The following PCDH15 variants were observed in gnomAD, a reference collection of about 807,000 sequenced individuals.
PCDH15 encodes the protein protocadherin related 15.
Under a neutral mutation model 178.5 loss-of-function variants are expected in PCDH15, and 129 were observed. The ratio of observed to expected loss-of-function variants is 0.72; its 90% CI spans 0.63 to 0.84. The LOEUF is 0.84. Ranked by LOEUF, PCDH15 falls within the 40% of genes least tolerant of loss-of-function variation. The pLI is 0.00. For missense variants in PCDH15, 2,230 were observed against 2,099.9 expected (o/e 1.06, Z -1.21); for synonymous variants, 800 against 732.0 (o/e 1.09, Z -1.50).
intron 26 of PCDH15, among the ~76,000 whole-genome samples, chr10:53,873,969 C>G (rs767409815): frequency 6.6e-6 from 1 of 152,152 alleles, no homozygotes; most frequent in African/African-American, 2.4e-5. Flanking sequence ...CTATTAGCAC[C>G]TTGATCTTGG....
intron 1 of PCDH15, among the ~76,000 whole-genome samples, chr10:54,696,139 C>T (rs1209924723): frequency 2.0e-5 from 3 of 151,896 alleles, no homozygotes; most frequent in Non-Finnish European, 2.9e-5. Flanking sequence ...ATTCTAGATG[C>T]CATTAAGAAC....
At chr10:54,350,023 G>A (rs1314566387) in intron 5 of PCDH15, among the ~76,000 whole-genome samples, 1 of 151,892 alleles carries the variant, frequency 6.6e-6, no homozygotes, top group Non-Finnish European at 1.5e-5. Context: ...GAAAATAAAA[G>A]AGAAACAATT....
chr10:53,951,262 A>G lies in PCDH15; in HGVS notation c.3122+8470T>C, dbSNP rs143937885. Among the ~76,000 whole-genome samples, 1,369 of 152,314 alleles carry G rather than the reference A, an allele frequency of 9.0e-3. 14 individuals carry two copies. The highest frequency in any genetic ancestry group is 0.017 in the Middle Eastern group (5 of 294). On this transcript the variant is annotated intron_variant, in intron 23 of 37. Coordinates refer to ENST00000644397, the MANE Select transcript of PCDH15 (RefSeq NM_001384140.1). The stretch of plus-strand genomic sequence containing the variant: ...TTGAATGGTTAAAAAATCAAAGTTT[A>G]TAATTGGAATATTTCTGTGTAATAG...
At chr10:54,677,645 A>C (rs1309241958) in intron 1 of PCDH15, among the ~76,000 whole-genome samples, 1 of 152,154 alleles carries the variant, frequency 6.6e-6, no homozygotes. Flanking sequence ...GCAGAATTTA[A>C]ACTTAGCAAC....
chr10:54,974,254 T>A (rs74136305), intron 2 of PCDH15, among the ~76,000 whole-genome samples: 335 of 152,210 alleles, frequency 2.2e-3, no homozygotes, highest in African/African-American at 7.7e-3. Flanking sequence ...ATTATACAAC[T>A]GAGCATACTA....
chr10:54,779,436 G>GTA (rs780742891), intron 1 of PCDH15, among the ~76,000 whole-genome samples: 8,897 of 82,054 alleles, frequency 0.11, 500 homozygotes, highest in South Asian at 0.17. Context: ...ACACATATGT[G>GTA]TATATATATA....
chr10:54,702,695 C>A (rs554308014), intron 1 of PCDH15, among the ~76,000 whole-genome samples: 2 of 151,804 alleles, frequency 1.3e-5, no homozygotes, highest in East Asian at 3.9e-4. Flanking sequence ...TAATGAGTTC[C>A]AAAATTAAAT....
At chr10:55,457,021 T>A (rs1254949147) in intron 2 of PCDH15, among the ~76,000 whole-genome samples, 1 of 152,062 alleles carries the variant, frequency 6.6e-6, no homozygotes, top group African/African-American at 2.4e-5. Flanking sequence ...ATGTTTCTTT[T>A]TAAAAGACTG....
chr10:54,940,205 A>C lies in PCDH15; in HGVS notation c.-79-42705T>G, dbSNP rs151147566. ...AAATTTCATTCTAAGCATGGGTTTC[A>C]CTGTATCGTATAAGTTTTATTATAT... On this transcript the variant is annotated intron_variant, in intron 2 of 5. Coordinates refer to the PCDH15 transcript ENST00000458638. 1.2e-3 allele frequency among the ~76,000 whole-genome samples: 179 copies of C among 152,194 alleles called. 4 individuals are homozygous for C. The East Asian group carries it at 0.029, about 25-fold the overall frequency.
Position 54,454,960 on chromosome 10 carries a change from T to G in PCDH15, c.157+72852A>C, listed in dbSNP as rs975579703. On this transcript the variant is annotated intron_variant, in intron 3 of 37. Transcript: ENST00000644397. Reference sequence around the variant, plus strand: ...GTGGGAGGGATCCAGTGCGAGGTAATTTAATCATGGGGGCGATTACTCTCA... The same window carrying G: ...GTGGGAGGGATCCAGTGCGAGGTAAGTTAATCATGGGGGCGATTACTCTCA... Among the ~76,000 whole-genome samples the G allele has an allele frequency of 9.9e-5, 15 of 152,270 alleles. 1 individual carries two copies. The highest frequency in any genetic ancestry group is 3.6e-4 in the African/African-American group (15 of 41,582).
At chr10:54,358,834 A>T (rs1312946136) in intron 5 of PCDH15, among the ~76,000 whole-genome samples, 2 of 151,982 alleles carry the variant, frequency 1.3e-5, no homozygotes, top group Non-Finnish European at 2.9e-5. Flanking sequence ...TGCAGCCATA[A>T]AAAATGATGA....
chr10:54,346,874 G>A (rs12778129), intron 5 of PCDH15, among the ~76,000 whole-genome samples: 28,044 of 152,116 alleles, frequency 0.18, 2,846 homozygotes, highest in African/African-American at 0.25. Context: ...TAAAATAAAC[G>A]ATTTACGAGT....
At chr10:54,274,616 T>TTGTGTGTGTGTGTGTG (rs3069673) in intron 8 of PCDH15, among the ~76,000 whole-genome samples, 2 of 144,660 alleles carry the variant, frequency 1.4e-5, no homozygotes, top group Non-Finnish European at 3.0e-5. Context: ...CTCAGTTTAA[T>TTGTGTGTGTGTGTGTG]TGTGTGTGTG....
chr10:54,702,463 T>C (rs1175373636), intron 1 of PCDH15, among the ~76,000 whole-genome samples: 2 of 144,658 alleles, frequency 1.4e-5, no homozygotes, highest in African/African-American at 5.1e-5. Flanking sequence ...GATTGATAAG[T>C]AGGCTACTGA....
chr10:54,734,833 T>C (rs2132705983), intron 1 of PCDH15, among the ~76,000 whole-genome samples: 1 of 151,650 alleles, frequency 6.6e-6, no homozygotes, highest in Non-Finnish European at 1.5e-5. Flanking sequence ...TTAATTTACA[T>C]GACATTCAGT....
intron 2 of PCDH15, among the ~76,000 whole-genome samples, chr10:54,992,869 A>C (rs1267617922): frequency 6.6e-6 from 1 of 152,108 alleles, no homozygotes; most frequent in Non-Finnish European, 1.5e-5. Context: ...ATTTATTTAT[A>C]TTTTAGAGAT....
At chr10:54,489,730 C>A (rs1262226061) in intron 3 of PCDH15, among the ~76,000 whole-genome samples, 1 of 152,014 alleles carries the variant, frequency 6.6e-6, no homozygotes, top group African/African-American at 2.4e-5. Flanking sequence ...TACTAAATAC[C>A]CTTATGACTA....
intron 2 of PCDH15, among the ~76,000 whole-genome samples, chr10:55,478,491 G>A (rs1474175549): frequency 2.6e-5 from 4 of 151,384 alleles, no homozygotes; most frequent in East Asian, 3.9e-4. Context: ...ATGAAACAGA[G>A]TATAAGCAGT....
At chr10:54,455,489 G>C (rs1302202050) in intron 3 of PCDH15, among the ~76,000 whole-genome samples, 1 of 152,162 alleles carries the variant, frequency 6.6e-6, no homozygotes, top group African/African-American at 2.4e-5. Context: ...AGGAGTTGGA[G>C]TATAGGTCAC....
Sources: gnomAD v4.1 joint callset for allele counts (sites outside exome capture counted in the v4.1 genomes callset) on GRCh38, gnomAD v4.1.1 for gene constraint, MANE v1.5 for transcripts, NCBI Gene and HGNC (gene_info 2026-07-23, HGNC 2026-07-21) for gene names.